Variants in CSMD1 observed in about 807,000 individuals in gnomAD.
CSMD1 encodes the protein CUB and Sushi multiple domains 1.
Under a neutral mutation model 417.5 loss-of-function variants are expected in CSMD1, and 213 were observed. That is an observed-to-expected ratio of 0.51 (90% confidence interval 0.46 to 0.57). The LOEUF (loss-of-function observed/expected upper bound fraction) is 0.57. Ranked by LOEUF, CSMD1 falls within the 20% of genes least tolerant of loss-of-function variation. CSMD1 has a pLI of 0.00. For missense variants in CSMD1, 6,923 were observed against 4,529.7 expected (o/e 1.53, Z -15.17); for synonymous variants, 2,862 against 1,736.8 (o/e 1.65, Z -16.11).
intron 26 of CSMD1, among the ~76,000 whole-genome samples, chr8:3,281,843 G>C (rs959142914): frequency 3.9e-5 from 6 of 152,094 alleles, no homozygotes; most frequent in African/African-American, 4.8e-5. Flanking sequence ...GTGCCTGGAG[G>C]GGTTGATTGG....
rs914686807 is a variant in CSMD1 at position 4,276,566 on chromosome 8, A to G, written c.415+143387T>C. Reference sequence around the variant, plus strand: ...CGTAACAAACCTGCACGTTCTGCACATGTACCCCAGAACTTTAAGTATAAT... The same window carrying G: ...CGTAACAAACCTGCACGTTCTGCACGTGTACCCCAGAACTTTAAGTATAAT... On this transcript the variant is annotated intron_variant, in intron 3 of 69. Coordinates refer to ENST00000635120, the MANE Select transcript of CSMD1 (RefSeq NM_033225.6). 2.0e-5 allele frequency among the ~76,000 whole-genome samples: 3 copies of G among 152,182 alleles called. No homozygotes were observed. The East Asian group carries it at 5.8e-4, about 29-fold the overall frequency.
At chr8:3,616,672 A>G (rs752266921) in intron 8 of CSMD1, 38 bp downstream of exon 8, 3 of 1,325,368 alleles carry the variant, frequency 2.3e-6, no homozygotes, top group South Asian at 1.2e-5. Flanking sequence ...ATGTCTTAAA[A>G]ATAACATGCT....
intron 2 of CSMD1, among the ~76,000 whole-genome samples, chr8:4,466,110 G>C (rs1289044567): frequency 1.3e-5 from 2 of 152,192 alleles, no homozygotes; most frequent in Admixed American, 6.5e-5. Flanking sequence ...CAGCTCTCGA[G>C]TAAATGGGAG....
intron 3 of CSMD1, among the ~76,000 whole-genome samples, chr8:4,222,290 T>G (rs1321867624): frequency 6.6e-6 from 1 of 152,156 alleles, no homozygotes; most frequent in Non-Finnish European, 1.5e-5. Flanking sequence ...GGTATTGCTT[T>G]TAATTTTTAG....
At chr8:3,554,267 G>C (rs1337003436) in intron 10 of CSMD1, among the ~76,000 whole-genome samples, 2 of 152,228 alleles carry the variant, frequency 1.3e-5, no homozygotes, top group Non-Finnish European at 2.9e-5. Flanking sequence ...AAACACATTT[G>C]GAAGTGGTAG....
chr8:3,751,089 C>G (rs1016004257), intron 6 of CSMD1, among the ~76,000 whole-genome samples: 1 of 152,004 alleles, frequency 6.6e-6, no homozygotes, highest in African/African-American at 2.4e-5. Flanking sequence ...CAGGAAGTCC[C>G]CTGTTCAATG....
chr8:3,908,365 G>A (rs926865834), intron 5 of CSMD1, among the ~76,000 whole-genome samples: 4 of 152,118 alleles, frequency 2.6e-5, no homozygotes, highest in Non-Finnish European at 5.9e-5. Context: ...TAATCATTAT[G>A]GATACATTTT....
Position 3,776,434 on chromosome 8 carries a change from A to G in CSMD1, c.819-22392T>C, listed in dbSNP as rs192813162. 4.1e-3 allele frequency among the ~76,000 whole-genome samples: 626 copies of G among 152,214 alleles called. 2 individuals carry two copies. Among genetic ancestry groups the G allele is most frequent in the Middle Eastern group, 0.01 (3 of 294 alleles). On this transcript the variant is annotated intron_variant, in intron 5 of 69. Transcript: ENST00000635120. ...CACCTTCTCACTCCTGTCCTTCTCT[A>G]ATCTCCTGTCTGGCCACATTCTACT...
chr8:3,991,005 A>G (rs1814701273), intron 5 of CSMD1, among the ~76,000 whole-genome samples: 1 of 152,180 alleles, frequency 6.6e-6, no homozygotes, highest in Admixed American at 6.5e-5. Context: ...ACACCTGACA[A>G]AAACCTCTAA....
intron 7 of CSMD1, among the ~76,000 whole-genome samples, chr8:3,689,686 C>T (rs558101475): frequency 5.9e-5 from 9 of 151,658 alleles, no homozygotes; most frequent in Non-Finnish European, 8.8e-5. Flanking sequence ...TTAATCCTCA[C>T]GTCAATCCTA....
intron 4 of CSMD1, among the ~76,000 whole-genome samples, chr8:4,024,222 G>C (rs550924655): frequency 5.3e-5 from 8 of 152,208 alleles, no homozygotes; most frequent in African/African-American, 1.7e-4. Flanking sequence ...AAACAGAAGT[G>C]ATGTAACATA....
In CSMD1 at chr8:2,959,988, A is replaced by G. The variant is rs1482826722; in HGVS notation, c.9702+1153T>C. On this transcript the variant is annotated intron_variant, in intron 62 of 69. Coordinates refer to ENST00000635120, the MANE Select transcript of CSMD1 (RefSeq NM_033225.6). ...GAGGGTGAAGGATTTATCCAACCCT[A>G]TTAGTGTCATATGATAGGTTATAGA... Among the ~76,000 whole-genome samples the G allele has an allele frequency of 2.0e-5, 3 of 152,182 alleles. No homozygotes were observed. The East Asian group carries it at 5.8e-4, about 29-fold the overall frequency.
At chr8:4,259,703 C>G (rs1045634542) in intron 3 of CSMD1, among the ~76,000 whole-genome samples, 1 of 152,050 alleles carries the variant, frequency 6.6e-6, no homozygotes, top group African/African-American at 2.4e-5. Context: ...ATCATGTACA[C>G]ATTTCAATAA....
At chr8:4,317,625 G>C (rs1183218312) in intron 3 of CSMD1, among the ~76,000 whole-genome samples, 1 of 99,408 alleles carries the variant, frequency 1.0e-5, no homozygotes, top group Non-Finnish European at 2.2e-5. Context: ...GAAAGAGAGA[G>C]AGAGAGAGAC....
rs188729382 is a variant in CSMD1 at position 3,837,087 on chromosome 8, C to G, written c.819-83045G>C. Among the ~76,000 whole-genome samples the G allele has an allele frequency of 2.1e-3, 309 of 150,494 alleles. 1 individual carries two copies. Among genetic ancestry groups the G allele is most frequent in the African/African-American group, 6.0e-3 (247 of 40,964 alleles). ...TTTCAACATGAAGAGCTAGGAAGAA[C>G]GCTACCATTGAGTAGATTACCATTC... is the stretch of plus-strand genomic sequence containing the variant. On this transcript the variant is annotated intron_variant, in intron 5 of 69. Transcript: ENST00000635120.
chr8:4,015,877 T>G (rs553257922), intron 4 of CSMD1, among the ~76,000 whole-genome samples: 1 of 152,124 alleles, frequency 6.6e-6, no homozygotes, highest in Non-Finnish European at 1.5e-5. Flanking sequence ...ATGGTTTACA[T>G]CTCATGCTTC....
chr8:3,760,761 G>C (rs968233262), intron 5 of CSMD1, among the ~76,000 whole-genome samples: 14 of 152,296 alleles, frequency 9.2e-5, no homozygotes, highest in African/African-American at 3.1e-4. Context: ...AAAATCATCA[G>C]AGAAATGTCT....
At chr8:4,843,523 C>T (rs934567059) in intron 1 of CSMD1, among the ~76,000 whole-genome samples, 11 of 152,278 alleles carry the variant, frequency 7.2e-5, no homozygotes, top group Admixed American at 4.6e-4. Flanking sequence ...TCCCCTATTT[C>T]TGCACCTCCA....
chr8:3,183,131 G>T (rs1381665217), intron 36 of CSMD1: 2 of 150,500 alleles, frequency 1.3e-5, no homozygotes, highest in African/African-American at 4.9e-5. Context: ...CATCGAGTAG[G>T]TCTCTAACGC....
Sources: gnomAD v4.1 joint callset for allele counts (sites outside exome capture counted in the v4.1 genomes callset) on GRCh38, gnomAD v4.1.1 for gene constraint, MANE v1.5 for transcripts, NCBI Gene and HGNC (gene_info 2026-07-23, HGNC 2026-07-21) for gene names.